The following CFAP20DC variants were observed in gnomAD, a reference collection of about 807,000 sequenced individuals.
CFAP20DC encodes the protein CFAP20 domain containing, also known as protein CFAP20DC.
In CFAP20DC, 84 loss-of-function variants were observed where a neutral mutation model predicts 101.7. That is an observed-to-expected ratio of 0.83 (90% CI 0.69 to 0.99). The LOEUF (loss-of-function observed/expected upper bound fraction) is 0.99. CFAP20DC is among the 50% of genes least tolerant of loss of function. CFAP20DC has a pLI of 0.00. For missense variants in CFAP20DC, 1,007 were observed against 970.3 expected, an observed-to-expected ratio of 1.04 and a Z score of -0.50; for synonymous variants, 359 against 351.2, an observed-to-expected ratio of 1.02 and a Z score of -0.25.
intron 4 of CFAP20DC, among the ~76,000 whole-genome samples, chr3:58,965,139 G>A (rs757540181): frequency 1.6e-4 from 24 of 152,266 alleles, no homozygotes; most frequent in South Asian, 4.1e-4. Context: ...ACCATCCAGC[G>A]AGGTTGGCAT....
chr3:58,909,560 G>C (rs1054706725), intron 6 of CFAP20DC, among the ~76,000 whole-genome samples: 1 of 151,658 alleles, frequency 6.6e-6, no homozygotes, highest in Admixed American at 6.6e-5. Context: ...TTTTTTCCTG[G>C]AAACTTTTCT....
chr3:58,863,796 T>A lies in CFAP20DC; in HGVS notation c.1355A>T (p.His452Leu), dbSNP rs779820032. 3.6e-5 allele frequency: 58 copies of A among 1,614,042 alleles called. No homozygotes were observed. The highest frequency in any genetic ancestry group is 4.6e-5 in the Non-Finnish European group (54 of 1,180,018). ...LLGDDSCNPS[H>L]LWLEASKESE... ...CTCTTTGCTGGCTTCCAGCCACAGGTGTGATGGGTTGCAGGAGTCATCACC... is the reference window on the plus strand; with the variant it reads ...CTCTTTGCTGGCTTCCAGCCACAGGAGTGATGGGTTGCAGGAGTCATCACC... Residue 452 changes from histidine (H) to leucine (L), a missense_variant, in exon 12 of 17, where the codon CAC (histidine) becomes CTC (leucine). By Grantham distance (99) the His-to-Leu change is moderately conservative. Coordinates refer to ENST00000482387, the MANE Select transcript of CFAP20DC (RefSeq NM_001394063.1). The surrounding 1 kb of genome is among the most constrained non-coding windows in gnomAD (Gnocchi z 5.9).
At chr3:58,924,608 G>A (rs1208772741) in intron 5 of CFAP20DC, among the ~76,000 whole-genome samples, 1 of 152,024 alleles carries the variant, frequency 6.6e-6, no homozygotes, top group East Asian at 1.9e-4. Flanking sequence ...GGGATTACTG[G>A]GCCAAATGGT....
At chr3:58,893,323 C>T (rs898894244) in intron 6 of CFAP20DC, among the ~76,000 whole-genome samples, 3 of 152,150 alleles carry the variant, frequency 2.0e-5, no homozygotes, top group Non-Finnish European at 4.4e-5. Flanking sequence ...GGATTAAAGG[C>T]GTGAGCCACC....
chr3:58,805,282 G>T (rs1007183413), intron 15 of CFAP20DC, among the ~76,000 whole-genome samples: 15 of 152,340 alleles, frequency 9.8e-5, no homozygotes, highest in African/African-American at 3.1e-4. Context: ...TTAGAGAGAA[G>T]AATGGAGCAG....
At chr3:58,789,952 G>T (rs757341676) in intron 15 of CFAP20DC, among the ~76,000 whole-genome samples, 1 of 152,104 alleles carries the variant, frequency 6.6e-6, no homozygotes, top group Non-Finnish European at 1.5e-5. Flanking sequence ...AAGGTAGAAA[G>T]ATACAGAAAT....
At chr3:58,828,430 T>C (rs1047337902) in intron 14 of CFAP20DC, among the ~76,000 whole-genome samples, 70 of 152,154 alleles carry the variant, frequency 4.6e-4, no homozygotes, top group African/African-American at 1.2e-3. Context: ...TAGGGGACTA[T>C]TGAAGGAATT....
intron 15 of CFAP20DC, among the ~76,000 whole-genome samples, chr3:58,766,436 G>A (rs1453958895): frequency 1.3e-5 from 2 of 152,052 alleles, no homozygotes; most frequent in Non-Finnish European, 2.9e-5. Flanking sequence ...CACCACCAAG[G>A]TCTAAGCAAC....
intron 4 of CFAP20DC, among the ~76,000 whole-genome samples, chr3:58,957,733 T>TA (rs542327269): frequency 1.3e-5 from 2 of 151,684 alleles, no homozygotes; most frequent in Admixed American, 1.3e-4. Flanking sequence ...ATTTATTCAG[T>TA]AAAAAAAAGC....
At chr3:58,843,284 A>G (rs1047138235) in intron 13 of CFAP20DC, among the ~76,000 whole-genome samples, 9 of 151,608 alleles carry the variant, frequency 5.9e-5, no homozygotes, top group Admixed American at 1.3e-4. Flanking sequence ...AGAAGAATGT[A>G]TAACTAGAAT....
At chr3:58,996,150 C>A (rs757014346) in intron 4 of CFAP20DC, among the ~76,000 whole-genome samples, 74 of 151,870 alleles carry the variant, frequency 4.9e-4, no homozygotes, top group Admixed American at 4.9e-3. Flanking sequence ...GGTAACAACA[C>A]CATAATTGGG....
intron 4 of CFAP20DC, among the ~76,000 whole-genome samples, chr3:58,975,576 T>C (rs896144041): frequency 4.6e-5 from 7 of 152,220 alleles, no homozygotes; most frequent in African/African-American, 1.4e-4. Context: ...AAAGTCTTTA[T>C]GTAAAGTAAA....
rs1025468336 is a variant in CFAP20DC, at chr3:58,806,334, A to G, written c.2237+61T>C. Reference sequence around the variant, plus strand: ...AAACAATTTCAGAAAACCAAGAAAAATGTACAATCTTCCAACTAAGTTTTT... The same window carrying G: ...AAACAATTTCAGAAAACCAAGAAAAGTGTACAATCTTCCAACTAAGTTTTT... On this transcript the variant is annotated intron_variant, in intron 15 of 16. Transcript: ENST00000482387. 4 of 1,151,216 alleles carry G rather than the reference A, an allele frequency of 3.5e-6. No homozygotes were observed. The African/African-American group carries it at 6.3e-5, about 18-fold the overall frequency. 71.3% of individuals were successfully genotyped at this position (1,151,216 alleles called of 1,614,324 possible).
Position 58,724,598 on chromosome 3 carries a change from C to T in CFAP20DC, c.198-6970G>A, listed in dbSNP as rs533858507. 1.6e-4 allele frequency among the ~76,000 whole-genome samples: 24 copies of T among 152,294 alleles called. No homozygotes were observed. Among genetic ancestry groups the T allele is most frequent in the African/African-American group, 4.8e-4 (20 of 41,556 alleles). On this transcript the variant is annotated intron_variant, in intron 3 of 3. Coordinates refer to the CFAP20DC transcript ENST00000486145. The surrounding 1 kb of genome is among the most constrained non-coding windows in gnomAD (Gnocchi z 5.6). ...TTTAAATCACTCTTGCTACAGATTA[C>T]GCCTATGACGCACTGCCACCCTTTC... is the stretch of plus-strand genomic sequence containing the variant.
intron 15 of CFAP20DC, among the ~76,000 whole-genome samples, chr3:58,768,756 C>T (rs2070567160): frequency 6.6e-6 from 1 of 152,214 alleles, no homozygotes; most frequent in Non-Finnish European, 1.5e-5. Flanking sequence ...CACCACACTC[C>T]CCTCAGGCTT....
chr3:58,866,323 T>C (rs76963497), intron 11 of CFAP20DC, among the ~76,000 whole-genome samples: 135 of 152,244 alleles, frequency 8.9e-4, no homozygotes, highest in African/African-American at 2.8e-3. Context: ...CATGGGAAAA[T>C]GTCAGTTTTA....
chr3:58,980,977 C>T (rs2092514507), intron 4 of CFAP20DC, among the ~76,000 whole-genome samples: 1 of 152,154 alleles, frequency 6.6e-6, no homozygotes, highest in Non-Finnish European at 1.5e-5. Context: ...AGCCCAAAAT[C>T]TCCTTAAGCT....
intron 6 of CFAP20DC, among the ~76,000 whole-genome samples, chr3:58,909,434 G>C (rs2083924963): frequency 6.6e-6 from 1 of 151,744 alleles, no homozygotes; most frequent in South Asian, 2.1e-4. Context: ...GCTTTGTTTT[G>C]TTGTAGGTTT....
chr3:58,898,774 T>A (rs779801247), intron 6 of CFAP20DC, among the ~76,000 whole-genome samples: 16 of 152,226 alleles, frequency 1.1e-4, no homozygotes, highest in Non-Finnish European at 1.9e-4. Context: ...TCTGGCTTTT[T>A]GAGTTTTCAG....
Sources: allele counts gnomAD v4.1 joint callset (sites outside exome capture counted in the v4.1 genomes callset), GRCh38; gene constraint gnomAD v4.1.1; non-coding constraint Gnocchi (gnomAD v3.1); transcripts MANE v1.5; gene names NCBI Gene and HGNC (gene_info 2026-07-23, HGNC 2026-07-21).